The following IARS1 variants were observed in gnomAD, a reference collection of about 807,000 sequenced individuals.
IARS1 encodes the protein isoleucyl-tRNA synthetase 1.
IARS1 carries 124 observed loss-of-function variants against 168.2 expected under a neutral mutation model. That is an observed-to-expected ratio of 0.74 (90% confidence interval 0.64 to 0.86). The LOEUF (loss-of-function observed/expected upper bound fraction) is 0.86. Ranked by LOEUF, IARS1 falls within the 40% of genes least tolerant of loss-of-function variation. The probability of loss-of-function intolerance (pLI) is 0.00; values close to 1 mark genes in which losing one functional copy is unlikely to be tolerated. For synonymous variants in IARS1, 532 were observed against 529.4 expected, an observed-to-expected ratio of 1.00 and a Z score of -0.07; for missense variants, 1,452 against 1,515.8, an observed-to-expected ratio of 0.96 and a Z score of 0.70.
chr9:92,284,595 G>A (rs2133970221), intron 6 of IARS1, among the ~76,000 whole-genome samples: 2 of 152,222 alleles, frequency 1.3e-5, no homozygotes, highest in Middle Eastern at 6.8e-3. Context: ...GACCAGCCTG[G>A]CCAAAATGGT....
chr9:92,224,383 G>A (rs1825301206), intron 31 of IARS1, among the ~76,000 whole-genome samples: 1 of 131,424 alleles, frequency 7.6e-6, no homozygotes. Flanking sequence ...GAAATAGCTA[G>A]GAGTAGATCT....
At position 92,280,879 on chromosome 9, in the gene IARS1, A is replaced by T; in HGVS notation, c.612T>A (p.Pro204=). The part of the protein sequence containing the change: ...SHQNYKDVQD[P]SVFVTFPLEE... ...CCAAAGGGAAAGTTACAAATACTGA[A>T]GGATCTTGAACATCCTGAAATAAAT... Residue 204 remains proline, a synonymous_variant, in exon 7 of 34, where the codon CCT becomes CCA. Coordinates refer to ENST00000443024, the MANE Select transcript of IARS1 (RefSeq NM_002161.6). The T allele has an allele frequency of 1.2e-6, 2 of 1,610,182 alleles. No homozygotes were observed.
intron 30 of IARS1, chr9:92,240,402 T>TAA (rs1356750314): frequency 2.4e-6 from 1 of 414,672 alleles, no homozygotes; most frequent in Non-Finnish European, 4.3e-6. Flanking sequence ...TAGCTGGGAT[T>TAA]ATAGGTACCT....
At chr9:92,286,729 A>C in intron 4 of IARS1, 111 bp from the exon 5 acceptor site, 1 of 599,960 alleles carries the variant, frequency 1.7e-6, no homozygotes, top group Non-Finnish European at 2.9e-6. Context: ...AAAACAGAAT[A>C]ATCAATGGTA....
At chr9:92,242,661 G>C (rs1828607475) in intron 28 of IARS1, 1 of 256,468 alleles carries the variant, frequency 3.9e-6, no homozygotes, top group Admixed American at 5.0e-5. Context: ...TCATCTGCTG[G>C]AACAGCCTCC....
intron 20 of IARS1, chr9:92,253,902 C>T (rs1476384295): frequency 4.3e-6 from 2 of 460,008 alleles, no homozygotes; most frequent in Non-Finnish European, 8.7e-6. Context: ...CAGCATAGGC[C>T]AGTGATTCTC....
chr9:92,242,573 C>A, intron 28 of IARS1: 1 of 470,248 alleles, frequency 2.1e-6, no homozygotes, highest in Non-Finnish European at 3.8e-6. Flanking sequence ...ATCAGTACCT[C>A]ATGAATGTTG....
intron 3 of IARS1, 63 bp from the exon 4 acceptor site, chr9:92,287,973 T>C (rs1835715566): frequency 6.3e-7 from 1 of 1,591,218 alleles, no homozygotes. Flanking sequence ...ACTATGCAAC[T>C]CTAGAAAACA....
chr9:92,258,829 A>G (rs1055961190), intron 19 of IARS1, 25 bp downstream of exon 19: 3 of 1,572,856 alleles, frequency 1.9e-6, no homozygotes, highest in South Asian at 1.2e-5. Flanking sequence ...CGGCAGGTAC[A>G]TGTGCAGCCC....
At chr9:92,278,162 A>C (rs765923822) in intron 8 of IARS1, 37 bp downstream of exon 8, 1 of 1,275,706 alleles carries the variant, frequency 7.8e-7, no homozygotes, top group South Asian at 1.2e-5. Context: ...ATACAGACAC[A>C]TGCACACAAA....
chr9:92,222,419 T>A (rs1839806370), intron 33 of IARS1, 101 bp downstream of exon 33: 3 of 610,910 alleles, frequency 4.9e-6, no homozygotes, highest in Non-Finnish European at 5.1e-6. Context: ...CAAAACAGGA[T>A]AACAATAGTA....
rs1364373301 is a variant in IARS1 at position 92,243,384 on chromosome 9, T to G, written c.2905-73A>C. On this transcript the variant is annotated intron_variant, in intron 27 of 33. Transcript: ENST00000443024. ...ACTTCTTCCCAACTCAGCAAAATGT[T>G]ATTTAAATCTGGAGAGTCTATAATG... 3.0e-6 allele frequency: 3 copies of G among 1,005,774 alleles called. No individual in the cohort carries two copies. In the African/African-American group the frequency reaches 4.8e-5, roughly 16 times the overall value. The allele number at this position is 1,005,774 out of a possible 1,614,324, so 62.3% of individuals were successfully genotyped here.
At chr9:92,275,183 T>C (rs1833613957) in intron 9 of IARS1, among the ~76,000 whole-genome samples, 1 of 152,254 alleles carries the variant, frequency 6.6e-6, no homozygotes, top group Non-Finnish European at 1.5e-5. Context: ...TCCTTCCTTT[T>C]TGCATTGGTA....
At chr9:92,235,636 A>G (rs1451487066) in intron 30 of IARS1, among the ~76,000 whole-genome samples, 1 of 149,090 alleles carries the variant, frequency 6.7e-6, no homozygotes. Flanking sequence ...TCCTGCCTCA[A>G]TAATCCTACT....
At chr9:92,215,878 T>C (rs1403861752) in intron 33 of IARS1, among the ~76,000 whole-genome samples, 1 of 152,090 alleles carries the variant, frequency 6.6e-6, no homozygotes, top group Non-Finnish European at 1.5e-5. Context: ...ACTTCCCCTA[T>C]CTAGCGAGGC....
intron 17 of IARS1, 63 bp downstream of exon 17, chr9:92,262,906 C>T: frequency 8.4e-7 from 1 of 1,184,536 alleles, no homozygotes; most frequent in Non-Finnish European, 1.3e-6. Context: ...CGCTCTCACG[C>T]ACTCCTTCTT....
chr9:92,214,726 C>G (rs1009656493), intron 33 of IARS1, among the ~76,000 whole-genome samples: 1 of 152,198 alleles, frequency 6.6e-6, no homozygotes, highest in Non-Finnish European at 1.5e-5. Flanking sequence ...GCTTAAAAAA[C>G]GGCGCACCAC....
intron 19 of IARS1, among the ~76,000 whole-genome samples, chr9:92,258,400 C>G (rs768369417): frequency 6.6e-5 from 10 of 152,144 alleles, no homozygotes; most frequent in African/African-American, 1.2e-4. Flanking sequence ...TCAAGATCAG[C>G]CTGACCAACA....
At chr9:92,229,357 CT>C (rs373330960) in intron 30 of IARS1, among the ~76,000 whole-genome samples, 3 of 79,958 alleles carry the variant, frequency 3.8e-5, no homozygotes, top group South Asian at 3.9e-4. Flanking sequence ...AATATATACA[CT>C]ACACACACAC....
Sources: allele counts gnomAD v4.1 joint callset (sites outside exome capture counted in the v4.1 genomes callset), GRCh38; gene constraint gnomAD v4.1.1; transcripts MANE v1.5; gene names NCBI Gene and HGNC (gene_info 2026-07-23, HGNC 2026-07-21).